ESRP2: variants seen among roughly 807,000 people sequenced by gnomAD.
The protein encoded by ESRP2 is RNA binding motif protein 35A.
ESRP2 carries 48 observed loss-of-function variants against 78.6 expected under a neutral mutation model. That is an observed-to-expected ratio of 0.61 (90% CI 0.48 to 0.78). The LOEUF (loss-of-function observed/expected upper bound fraction) is 0.78. Ranked by LOEUF, ESRP2 falls within the 30% of genes least tolerant of loss-of-function variation. The pLI is 0.00. For missense variants in ESRP2, 863 were observed against 965.9 expected (o/e 0.89, Z 1.41); for synonymous variants, 383 against 406.7 (o/e 0.94, Z 0.70).
At chr16:68,233,490 C>T (rs2042175547) in intron 4 of ESRP2, 65 bp from the exon 5 acceptor site, 4 of 1,211,276 alleles carry the variant, frequency 3.3e-6, no homozygotes, top group Non-Finnish European at 4.9e-6. Flanking sequence ...TACTCCTGGG[C>T]CCAACTCCCC....
intron 2 of ESRP2, chr16:68,234,760 C>G (rs753356708): frequency 1.3e-5 from 2 of 152,254 alleles, no homozygotes; most frequent in Non-Finnish European, 2.9e-5. Flanking sequence ...CACGAACCCT[C>G]CCTGCCAATT....
At position 68,235,359 on chromosome 16, in the gene ESRP2, G is replaced by A. The variant is rs1185536976; in HGVS notation, c.327+275C>T. 1 of 985,450 alleles carries A rather than the reference G, an allele frequency of 1.0e-6. No individual in the cohort carries two copies. The highest frequency in any genetic ancestry group is 1.2e-6 in the Non-Finnish European group (1 of 829,934). 61.0% of individuals were successfully genotyped at this position (985,450 alleles called of 1,614,324 possible). A position where few individuals can be genotyped will look rare whatever the true frequency, so the allele number is the denominator to read the frequency against. On this transcript the variant is annotated intron_variant, in intron 2 of 14. Transcript: ENST00000473183. This position sits in a 1 kb window ranked among gnomAD's most constrained non-coding sequence, Gnocchi z 5.5. ...GGCGTCTCGGCCTCGCTCCCCGGGC[G>A]GGAACTGGGGATGGATCCCAAAGCC...
intron 2 of ESRP2, chr16:68,234,369 C>T (rs2042192567): frequency 4.6e-6 from 2 of 437,418 alleles, no homozygotes; most frequent in Non-Finnish European, 8.2e-6. Flanking sequence ...AACACACACA[C>T]TCCAGGAGTT....
chr16:68,233,329 C>A lies in ESRP2; in HGVS notation c.653G>T (p.Ser218Ile). 1.2e-6 allele frequency: 2 copies of A among 1,612,490 alleles called. No homozygotes were observed. Among genetic ancestry groups the A allele is most frequent in the Non-Finnish European group, 8.5e-7 (1 of 1,178,506 alleles). The change falls in exon 5 of 15, where the codon AGC becomes ATC. Residue 218 changes from serine (S) to isoleucine (I), a missense_variant and splice_region_variant. Physicochemically the swap from Ser to Ile is moderately radical, Grantham distance 142. Transcript: ENST00000473183. ...ACAGGCAGTGAGGGAAACCTTACTGCTGGGCTCTTTGAGTAGATGGAGGAT... is the reference window on the plus strand; with the variant it reads ...ACAGGCAGTGAGGGAAACCTTACTGATGGGCTCTTTGAGTAGATGGAGGAT... ...AVILHLLKEP[S>I]SQLFSKPEVI...
In ESRP2 at chr16:68,236,050, G is replaced by A. The variant is rs1004926512; in HGVS notation, c.-5C>T. On this transcript the variant is annotated 5_prime_UTR_variant, in exon 1 of 15. Transcript: ENST00000473183. The surrounding 1 kb of genome is among the most constrained non-coding windows in gnomAD (Gnocchi z 5.2). The stretch of plus-strand genomic sequence containing the variant: ...CGGCGGCGGCGGCGGAGTCATGGCC[G>A]CAGAGGAAGGGGGCTCTCGGCCAGA... 7.0e-7 allele frequency: 1 copy of A among 1,434,988 alleles called. No individual in the cohort carries two copies. Among genetic ancestry groups the A allele is most frequent in the Admixed American group, 3.1e-5 (1 of 32,496 alleles). The allele number at this position is 1,434,988 out of a possible 1,614,324, so 88.9% of individuals were successfully genotyped here.
chr16:68,234,042 A>G lies in ESRP2; in HGVS notation c.393T>C (p.Asp131=), dbSNP rs1438368156. 1.9e-6 allele frequency: 3 copies of G among 1,613,884 alleles called. No individual in the cohort carries two copies. Among genetic ancestry groups the G allele is most frequent in the East Asian group, 2.2e-5 (1 of 44,884 alleles). The change falls in exon 3 of 15, where the codon GAT becomes GAC. Residue 131 remains aspartate, a synonymous_variant. Coordinates refer to ENST00000473183, the MANE Select transcript of ESRP2 (RefSeq NM_024939.3). Reference sequence around the variant, plus strand: ...GGACCTGTCGCAATAGCTGCTGCCCATCAGTGCAGAGCATGTAGGGGCCCC... The same window carrying G: ...GGACCTGTCGCAATAGCTGCTGCCCGTCAGTGCAGAGCATGTAGGGGCCCC... The part of the protein sequence containing the change: ...LGGGPYMLCT[D]GQQLLRQVLH...
In ESRP2 at chr16:68,232,535, G is replaced by A. The variant is rs1181951659; in HGVS notation, c.822-32C>T. On this transcript the variant is annotated intron_variant, in intron 7 of 14. Coordinates refer to ENST00000473183, the MANE Select transcript of ESRP2 (RefSeq NM_024939.3). The surrounding 1 kb of genome is among the most constrained non-coding windows in gnomAD (Gnocchi z 5.2). ...AGCCAGTGCTGTTAGTGCCTCCTGG[G>A]TAGGCCTGTCCAATTGGGCCCACCC... The A allele has an allele frequency of 1.2e-6, 2 of 1,614,100 alleles. No individual in the cohort carries two copies.
At position 68,229,973 on chromosome 16, in the gene ESRP2, C is replaced by T. The variant is rs2042104294; in HGVS notation, c.*253G>A. Reference sequence around the variant, plus strand: ...GCTCTCCAGGTGCCAGTCAAGATGCCTGGCTCAGGCCATCAGGAGCTGGTT... The same window carrying T: ...GCTCTCCAGGTGCCAGTCAAGATGCTTGGCTCAGGCCATCAGGAGCTGGTT... On this transcript the variant is annotated 3_prime_UTR_variant, in exon 15 of 15. Coordinates refer to ENST00000473183, the MANE Select transcript of ESRP2 (RefSeq NM_024939.3). 3.7e-6 allele frequency: 2 copies of T among 544,382 alleles called. No individual in the cohort carries two copies. The highest frequency in any genetic ancestry group is 6.6e-6 in the Non-Finnish European group (2 of 302,668). 33.7% of individuals were successfully genotyped at this position (544,382 alleles called of 1,614,324 possible). A position where few individuals can be genotyped will look rare whatever the true frequency, so the allele number is the denominator to read the frequency against.
At position 68,235,422 on chromosome 16, in the gene ESRP2, A is replaced by G. The variant is rs996847669; in HGVS notation, c.327+212T>C. 3 of 985,304 alleles carry G rather than the reference A, an allele frequency of 3.0e-6. No homozygotes were observed. Among genetic ancestry groups the G allele is most frequent in the African/African-American group, 1.7e-5 (1 of 57,254 alleles). The allele number at this position is 985,304 out of a possible 1,614,324, so 61.0% of individuals were successfully genotyped here. On this transcript the variant is annotated intron_variant, in intron 2 of 14. Transcript: ENST00000473183. The surrounding 1 kb of genome is among the most constrained non-coding windows in gnomAD (Gnocchi z 5.5). ...CCTTCGGTAGGAGTAGGTTCCTGCA[A>G]TGGTTGAAAAGTAAGGAGCCCAGGG...
rs1384734992 is a variant in ESRP2 at position 68,235,729 on chromosome 16, C to T, written c.232G>A (p.Glu78Lys). The T allele has an allele frequency of 3.1e-6, 5 of 1,607,310 alleles. No homozygotes were observed. The African/African-American group carries it at 6.7e-5, about 21-fold the overall frequency. ...GTLHKSLVRA[E>K]AAALSTQCRE... ...CACTGCGTACTCAGTGCGGCCGCCT[C>T]GGCACGAACCAGCGATTTGTGCAGC... Residue 78 changes from glutamate (E) to lysine (K), a missense_variant, in exon 2 of 15, where the codon GAG becomes AAG. By Grantham distance (56) the Glu-to-Lys change is moderately conservative. Coordinates refer to ENST00000473183, the MANE Select transcript of ESRP2 (RefSeq NM_024939.3). The surrounding 1 kb of genome is among the most constrained non-coding windows in gnomAD (Gnocchi z 5.5).
Position 68,231,488 on chromosome 16 carries a change from G to A in ESRP2, c.1506C>T (p.Asn502=). ...IRPHGVHMVL[N]QQGRPSGDAF... ...TACCAAGCAGTGGCTTCACCTGCTG[G>A]TTGAGCACCATGTGTACACCGTGGG... Residue 502 remains asparagine (N), a synonymous_variant, in exon 11 of 15, where the codon AAC becomes AAT. Transcript: ENST00000473183. The surrounding 1 kb of genome is among the most constrained non-coding windows in gnomAD (Gnocchi z 6.0). 6.2e-7 allele frequency: 1 copy of A among 1,614,044 alleles called. No individual in the cohort carries two copies. Among genetic ancestry groups the A allele is most frequent in the Non-Finnish European group, 8.5e-7 (1 of 1,179,986 alleles).
Position 68,232,701 on chromosome 16 carries a change from G to C in ESRP2, c.711-14C>G. The C allele has an allele frequency of 1.9e-6, 3 of 1,614,180 alleles. No homozygotes were observed. The highest frequency in any genetic ancestry group is 1.1e-5 in the South Asian group (1 of 91,082). ...TCAGCCTTGCTGCTGTAGGGGCAGGGCACAGTGCTGTCAGAGCTATTCAGC... is the reference window on the plus strand; with the variant it reads ...TCAGCCTTGCTGCTGTAGGGGCAGGCCACAGTGCTGTCAGAGCTATTCAGC... On this transcript the variant is annotated splice_polypyrimidine_tract_variant and intron_variant, in intron 6 of 14. Transcript: ENST00000473183. This position sits in a 1 kb window ranked among gnomAD's most constrained non-coding sequence, Gnocchi z 5.2.
At position 68,235,273 on chromosome 16, in the gene ESRP2, C is replaced by G. The variant is rs1010838004; in HGVS notation, c.327+361G>C. On this transcript the variant is annotated intron_variant, in intron 2 of 14. Coordinates refer to ENST00000473183, the MANE Select transcript of ESRP2 (RefSeq NM_024939.3). This position sits in a 1 kb window ranked among gnomAD's most constrained non-coding sequence, Gnocchi z 5.5. ...CAAGGACAGGTGACCTATATGGGCC[C>G]CTCGACCCCTTTCGCTTCCGGCTGC... 8 of 985,344 alleles carry G rather than the reference C, an allele frequency of 8.1e-6. No individual in the cohort carries two copies. The African/African-American group carries it at 1.4e-4, about 17-fold the overall frequency. The allele number at this position is 985,344 out of a possible 1,614,324, so 61.0% of individuals were successfully genotyped here.
At position 68,234,217 on chromosome 16, in the gene ESRP2, C is replaced by T; in HGVS notation, c.328-110G>A. On this transcript the variant is annotated intron_variant, in intron 2 of 14. Transcript: ENST00000473183. ...TGCAAAGCTGGTTCAGCCAGATGTTCAGCCCTATCCTGCCTGGGAATAAGA... is the reference window on the plus strand; with the variant it reads ...TGCAAAGCTGGTTCAGCCAGATGTTTAGCCCTATCCTGCCTGGGAATAAGA... The T allele has an allele frequency of 3.8e-6, 3 of 791,324 alleles. No individual in the cohort carries two copies. In the South Asian group the frequency reaches 5.2e-5, roughly 14 times the overall value. 49.0% of individuals were successfully genotyped at this position (791,324 alleles called of 1,614,324 possible).
rs2042111420 is a variant in ESRP2, at chr16:68,230,422, C to T, written c.2031G>A (p.Met677Ile). The change falls in exon 14 of 15, where the codon ATG becomes ATA. Residue 677 changes from methionine (M) to isoleucine (I), a missense_variant. Met to Ile is a conservative substitution (Grantham distance 10). Coordinates refer to ENST00000473183, the MANE Select transcript of ESRP2 (RefSeq NM_024939.3). ...RMQGVPYTAG[M>I]KDLLSVFQAY... Reference sequence around the variant, plus strand: ...CCTGGAAGACGCTGAGCAGATCCTTCATACCAGCCGTGTATGGGACACCCT... The same window carrying T: ...CCTGGAAGACGCTGAGCAGATCCTTTATACCAGCCGTGTATGGGACACCCT... 1 of 1,613,228 alleles carries T rather than the reference C, an allele frequency of 6.2e-7. No individual in the cohort carries two copies. Among genetic ancestry groups the T allele is most frequent in the Non-Finnish European group, 8.5e-7 (1 of 1,179,502 alleles).
Position 68,235,473 on chromosome 16 carries a change from G to A in ESRP2, c.327+161C>T. On this transcript the variant is annotated intron_variant, in intron 2 of 14. Transcript: ENST00000473183. The surrounding 1 kb of genome is among the most constrained non-coding windows in gnomAD (Gnocchi z 5.5). Reference sequence around the variant, plus strand: ...GAATGGCTGGCACGCGCGGATGAAAGGGGCACGCACACGCGAGAGTCGCTC... The same window carrying A: ...GAATGGCTGGCACGCGCGGATGAAAAGGGCACGCACACGCGAGAGTCGCTC... 2.0e-6 allele frequency: 2 copies of A among 985,474 alleles called. No individual in the cohort carries two copies. Among genetic ancestry groups the A allele is most frequent in the Non-Finnish European group, 2.4e-6 (2 of 829,944 alleles). 61.0% of individuals were successfully genotyped at this position (985,474 alleles called of 1,614,324 possible).
chr16:68,229,413 G>C lies in ESRP2; in HGVS notation c.*813C>G, dbSNP rs1265894056. ...GATCGAGTTCCAAATTGCTTCCGAG[G>C]CTTCAGTTCTGTACCATTTAATGCG... On this transcript the variant is annotated 3_prime_UTR_variant, in exon 15 of 15. Coordinates refer to ENST00000473183, the MANE Select transcript of ESRP2 (RefSeq NM_024939.3). 1.3e-5 allele frequency: 2 copies of C among 152,630 alleles called. No individual in the cohort carries two copies. The highest frequency in any genetic ancestry group is 1.3e-4 in the Admixed American group (2 of 15,284). 9.5% of individuals were successfully genotyped at this position (152,630 alleles called of 1,614,324 possible). A position where few individuals can be genotyped will look rare whatever the true frequency, so the allele number is the denominator to read the frequency against.
rs757099532 is a variant in ESRP2, at chr16:68,231,441, C to G, written c.1512+41G>C. The G allele has an allele frequency of 2.5e-6, 4 of 1,613,600 alleles. No homozygotes were observed. The African/African-American group carries it at 5.3e-5, about 22-fold the overall frequency. On this transcript the variant is annotated intron_variant, in intron 11 of 14. Transcript: ENST00000473183. This position sits in a 1 kb window ranked among gnomAD's most constrained non-coding sequence, Gnocchi z 6.0. ...AGTGCCTTACCCCTAACACACACCC[C>G]TTCCTATTTATGTGTTCCCCCTACC... is the stretch of plus-strand genomic sequence containing the variant.
Position 68,235,643 on chromosome 16 carries a change from C to T in ESRP2, c.318G>A (p.Val106=), listed in dbSNP as rs775443196. The change falls in exon 2 of 15, where the codon GTG becomes GTA. Residue 106 remains valine (V), a synonymous_variant. Transcript: ENST00000473183. This position sits in a 1 kb window ranked among gnomAD's most constrained non-coding sequence, Gnocchi z 5.5. ...SLARAEPLDK[V]LQQFSQLVNG... is the part of the protein sequence containing the mutation. The stretch of plus-strand genomic sequence containing the variant: ...CCACCCCGGCGCTCACCTGCTGCAG[C>T]ACCTTGTCCAGCGGCTCTGCCCGCG... The T allele has an allele frequency of 5.0e-6, 8 of 1,597,520 alleles. No individual in the cohort carries two copies. The highest frequency in any genetic ancestry group is 5.9e-6 in the Non-Finnish European group (7 of 1,179,050).
Sources: allele counts gnomAD v4.1 joint callset, GRCh38; gene constraint gnomAD v4.1.1; non-coding constraint Gnocchi (gnomAD v3.1); transcripts MANE v1.5; gene names NCBI Gene and HGNC (gene_info 2026-07-23, HGNC 2026-07-21).